SLC20A2: variants seen among roughly 807,000 people sequenced by gnomAD.
The protein encoded by SLC20A2 is solute carrier family 20 member 2, also known as sodium-dependent phosphate transporter 2.
Under a neutral mutation model 61.0 loss-of-function variants are expected in SLC20A2, and 30 were observed. The ratio of observed to expected loss-of-function variants is 0.49; its 90% CI spans 0.37 to 0.67. The LOEUF (loss-of-function observed/expected upper bound fraction) is 0.67. Ranked by LOEUF, SLC20A2 falls within the 30% of genes least tolerant of loss-of-function variation. The pLI is 0.00. For missense variants in SLC20A2, 626 were observed against 866.4 expected (o/e 0.72, Z 3.48); for synonymous variants, 351 against 353.3 (o/e 0.99, Z 0.07).
At chr8:42,441,758 C>T (rs911809741) in intron 6 of SLC20A2, among the ~76,000 whole-genome samples, 4 of 151,796 alleles carry the variant, frequency 2.6e-5, no homozygotes, top group Non-Finnish European at 4.4e-5. Context: ...TGTGCCACTG[C>T]GCCTGGCCTA....
intron 1 of SLC20A2, among the ~76,000 whole-genome samples, chr8:42,527,210 G>A (rs2131419934): frequency 6.6e-6 from 1 of 151,556 alleles, no homozygotes; most frequent in East Asian, 2.0e-4. Context: ...GCGAGACCAG[G>A]CTTACCAACA....
At chr8:42,519,878 T>C (rs1811538777) in intron 1 of SLC20A2, among the ~76,000 whole-genome samples, 1 of 152,184 alleles carries the variant, frequency 6.6e-6, no homozygotes, top group African/African-American at 2.4e-5. Flanking sequence ...ACAATGATTT[T>C]ATAAAACATA....
rs1378658909 is a variant in SLC20A2, at chr8:42,430,288, C to T, written c.1524-39G>A. 15 of 1,550,842 alleles carry T rather than the reference C, an allele frequency of 9.7e-6. No homozygotes were observed. The Admixed American group carries it at 1.1e-4, about 12-fold the overall frequency. ...AAAGAGAAAAGATTAACTATATATG[C>T]AAGCGGCAATGTACATGATACAGGT... On this transcript the variant is annotated intron_variant, in intron 8 of 10. Coordinates refer to ENST00000520262, the MANE Select transcript of SLC20A2 (RefSeq NM_001257180.2).
chr8:42,541,732 C>T, intron 1 of SLC20A2: 1 of 149,248 alleles, frequency 6.7e-6, no homozygotes, highest in South Asian at 2.1e-4. Context: ...CCCCGCTTCT[C>T]CCGGTCCCCG....
chr8:42,439,434 T>G lies in SLC20A2; in HGVS notation c.934+16A>C. ...CTGTGCTGCCACAGAACCCAAGCTC[T>G]CCAGGCACATCTTACCGTATGCAGC... On this transcript the variant is annotated intron_variant, in intron 7 of 10. Transcript: ENST00000520262. 1 of 1,612,386 alleles carries G rather than the reference T, an allele frequency of 6.2e-7. No homozygotes were observed. The highest frequency in any genetic ancestry group is 2.2e-5 in the East Asian group (1 of 44,876).
In SLC20A2 at chr8:42,420,464, T is replaced by C. The variant is rs977247916; in HGVS notation, c.1795-2497A>G. Among the ~76,000 whole-genome samples the C allele has an allele frequency of 5.3e-5, 8 of 152,294 alleles. No individual in the cohort carries two copies. The East Asian group carries it at 1.5e-3, about 29-fold the overall frequency. Reference sequence around the variant, plus strand: ...ATTTTTCTAAAATAAAATTCCATTTTACTCTAAATTTAAGAATATTTTTAA... The same window carrying C: ...ATTTTTCTAAAATAAAATTCCATTTCACTCTAAATTTAAGAATATTTTTAA... On this transcript the variant is annotated intron_variant, in intron 10 of 10. Transcript: ENST00000520262.
chr8:42,475,603 G>A (rs1808019923), intron 1 of SLC20A2, among the ~76,000 whole-genome samples: 1 of 151,832 alleles, frequency 6.6e-6, no homozygotes, highest in African/African-American at 2.4e-5. Context: ...TAGAGATGGG[G>A]TTTCACCACG....
At chr8:42,434,370 A>G (rs915405095) in intron 8 of SLC20A2, among the ~76,000 whole-genome samples, 3 of 149,750 alleles carry the variant, frequency 2.0e-5, no homozygotes, top group African/African-American at 7.4e-5. Flanking sequence ...TATAGGCGTG[A>G]GCCACCACAC....
intron 8 of SLC20A2, among the ~76,000 whole-genome samples, chr8:42,433,590 TG>T (rs1804029761): frequency 6.6e-6 from 1 of 152,218 alleles, no homozygotes; most frequent in African/African-American, 2.4e-5. Context: ...CCCAAAGTGC[TG>T]GGATTACAGG....
At chr8:42,424,050 T>C (rs1043286066) in intron 10 of SLC20A2, among the ~76,000 whole-genome samples, 1 of 152,220 alleles carries the variant, frequency 6.6e-6, no homozygotes, top group African/African-American at 2.4e-5. Context: ...GGACTGACAA[T>C]GTGGGTGATC....
At position 42,510,931 on chromosome 8, in the gene SLC20A2, G is replaced by A. The variant is rs941380314; in HGVS notation, c.-265+30890C>T. ...TATAATATATATATTTTATATGTAA[G>A]CTATATAAAGTAATGATGAAGGAGA... On this transcript the variant is annotated intron_variant, in intron 1 of 10. Coordinates refer to the SLC20A2 transcript ENST00000342228. Among the ~76,000 whole-genome samples the A allele has an allele frequency of 2.6e-4, 40 of 151,802 alleles. 1 individual carries two copies. The highest frequency in any genetic ancestry group is 1.3e-4 in the Non-Finnish European group (9 of 67,968).
intron 1 of SLC20A2, among the ~76,000 whole-genome samples, chr8:42,534,282 C>CA (rs1812570185): frequency 6.6e-6 from 1 of 151,168 alleles, no homozygotes; most frequent in African/African-American, 2.4e-5. Flanking sequence ...GACTCTGTCT[C>CA]AAAAAAAATA....
intron 1 of SLC20A2, among the ~76,000 whole-genome samples, chr8:42,497,418 A>G (rs762597314): frequency 6.6e-6 from 1 of 152,160 alleles, no homozygotes; most frequent in Non-Finnish European, 1.5e-5. Flanking sequence ...CTGATTCAGC[A>G]GGGCCTGGGT....
Position 42,443,264 on chromosome 8 carries a change from GATATATATATATAT to G in SLC20A2, c.730+1368_730+1381del, listed in dbSNP as rs869057900. Reference sequence around the variant, plus strand: ...TATAATAATACAATTATTATTATAGGATATATATATATATATATATATATATATATATATATATA... The same window carrying G: ...TATAATAATACAATTATTATTATAGGATATATATATATATATATATATATA... On this transcript the variant is annotated intron_variant, in intron 6 of 10. Coordinates refer to ENST00000520262, the MANE Select transcript of SLC20A2 (RefSeq NM_001257180.2). Among the ~76,000 whole-genome samples the G allele has an allele frequency of 1.4e-4, 15 of 105,474 alleles. No individual in the cohort carries two copies. The East Asian group carries it at 4.4e-3, about 31-fold the overall frequency. The allele number at this position is 105,474 out of a possible 152,430, so 69.2% of individuals were successfully genotyped here.
intron 1 of SLC20A2, among the ~76,000 whole-genome samples, chr8:42,475,823 C>T (rs957073176): frequency 1.4e-5 from 2 of 145,902 alleles, no homozygotes; most frequent in East Asian, 2.2e-4. Context: ...ATGAGGCATC[C>T]GGGACCAGGC....
At chr8:42,539,992 G>C (rs997536614) in intron 1 of SLC20A2, among the ~76,000 whole-genome samples, 1 of 152,168 alleles carries the variant, frequency 6.6e-6, no homozygotes, top group African/African-American at 2.4e-5. Flanking sequence ...GCATAAACAA[G>C]CATTTAATGC....
chr8:42,531,250 C>A (rs970082916), intron 1 of SLC20A2, among the ~76,000 whole-genome samples: 6 of 152,158 alleles, frequency 3.9e-5, no homozygotes, highest in Non-Finnish European at 7.3e-5. Flanking sequence ...TGCGGCCATT[C>A]TTTACTAACT....
chr8:42,465,337 G>A (rs923168272), intron 3 of SLC20A2, among the ~76,000 whole-genome samples: 19 of 151,842 alleles, frequency 1.3e-4, no homozygotes, highest in African/African-American at 3.4e-4. Context: ...GATTATAGGC[G>A]TGAGCCACCA....
At chr8:42,448,274 AAG>A (rs1805384981) in intron 5 of SLC20A2, among the ~76,000 whole-genome samples, 2 of 152,246 alleles carry the variant, frequency 1.3e-5, no homozygotes, top group African/African-American at 2.4e-5. Flanking sequence ...AAACTGATCT[AAG>A]AGAGGCAAAC....
Sources: allele counts gnomAD v4.1 joint callset (sites outside exome capture counted in the v4.1 genomes callset), GRCh38; gene constraint gnomAD v4.1.1; transcripts MANE v1.5; gene names NCBI Gene and HGNC (gene_info 2026-07-23, HGNC 2026-07-21).